Variants in TXLNB observed in about 807,000 individuals in gnomAD.
TXLNB encodes the protein beta-taxilin.
A neutral mutation model predicts 57.4 loss-of-function variants in TXLNB; 37 were observed. That is an observed-to-expected ratio of 0.64 (90% CI 0.50 to 0.85). The LOEUF (loss-of-function observed/expected upper bound fraction) is 0.85. Ranked by LOEUF, TXLNB falls within the 40% of genes least tolerant of loss-of-function variation. The pLI is 0.00. For synonymous variants in TXLNB, 302 were observed against 309.6 expected (o/e 0.98, Z 0.26); for missense variants, 848 against 825.6 (o/e 1.03, Z -0.33).
the TXLNB span, among the ~76,000 whole-genome samples, chr6:139,216,717 A>C: frequency 6.6e-6 from 1 of 152,220 alleles, no homozygotes; most frequent in Non-Finnish European, 1.5e-5. Context: ...CCTTTGCAGC[A>C]ACTTGGATGG....
chr6:139,321,884 G>A, the TXLNB span, among the ~76,000 whole-genome samples: 4 of 151,734 alleles, frequency 2.6e-5, no homozygotes, highest in African/African-American at 9.7e-5. Flanking sequence ...CGCCTGCCTC[G>A]GTCTCCCAAA....
chr6:139,260,292 T>C (rs1446044667), intron 6 of TXLNB, 26 bp downstream of exon 6: 2 of 1,613,074 alleles, frequency 1.2e-6, no homozygotes, highest in Non-Finnish European at 1.7e-6. Flanking sequence ...AGACCAGATA[T>C]GCACAACGAC....
downstream of TXLNB, among the ~76,000 whole-genome samples, chr6:139,235,473 G>A (rs1369745132): frequency 1.3e-5 from 2 of 152,180 alleles, no homozygotes; most frequent in Non-Finnish European, 2.9e-5. Context: ...CATGAGATTT[G>A]TGAGGGGCCA....
Position 139,288,876 on chromosome 6 carries a change from C to G in TXLNB, c.24G>C (p.Gln8His), listed in dbSNP as rs747165498. Residue 8 changes from glutamine (Q) to histidine (H), a missense_variant, in exon 2 of 10, where the codon CAG (glutamine) becomes CAC (histidine). Coordinates refer to ENST00000358430, the MANE Select transcript of TXLNB (RefSeq NM_153235.4). The part of the protein sequence containing the change: MEANHSE[Q>H]LSAERQSTPP... ...GTGTTGACTGTCGTTCCGCTGAGAG[C>G]TGTTCAGAGTGATTAGCCTCCATCT... 7.4e-6 allele frequency: 12 copies of G among 1,613,746 alleles called. No homozygotes were observed. Among genetic ancestry groups the G allele is most frequent in the Non-Finnish European group, 1.0e-5 (12 of 1,179,908 alleles).
downstream of TXLNB, chr6:139,239,922 T>C (rs1466768342): frequency 6.6e-6 from 1 of 152,132 alleles, no homozygotes; most frequent in East Asian, 1.9e-4. This position sits in a 1 kb window ranked among gnomAD's most constrained non-coding sequence, Gnocchi z 4.7. Flanking sequence ...TGACTACACG[T>C]AATTCTATTT....
intron 4 of TXLNB, among the ~76,000 whole-genome samples, chr6:139,263,477 A>G (rs10499210): frequency 0.043 from 6,605 of 152,296 alleles, 170 homozygotes; most frequent in Non-Finnish European, 0.053. Flanking sequence ...TCTGAAAGCA[A>G]TATTAAGTTT....
At chr6:139,286,635 C>T (rs140327113) in intron 2 of TXLNB, among the ~76,000 whole-genome samples, 6 of 152,276 alleles carry the variant, frequency 3.9e-5, no homozygotes, top group East Asian at 1.9e-4. Flanking sequence ...GAGTGGCAGG[C>T]GACAGAGCAA....
At chr6:139,228,296 A>G in the TXLNB span, among the ~76,000 whole-genome samples, 1 of 152,082 alleles carries the variant, frequency 6.6e-6, no homozygotes, top group Admixed American at 6.5e-5. Context: ...CGGGTGGATC[A>G]CCTGAGTTCA....
At chr6:139,177,312 G>C in the TXLNB span, 1 of 413,830 alleles carries the variant, frequency 2.4e-6, no homozygotes, top group African/African-American at 2.0e-5. This position sits in a 1 kb window ranked among gnomAD's most constrained non-coding sequence, Gnocchi z 4.9. Context: ...GCCCAGATGG[G>C]TAATCCTGTG....
chr6:139,235,132 C>T (rs1230579240), downstream of TXLNB, among the ~76,000 whole-genome samples: 3 of 152,158 alleles, frequency 2.0e-5, no homozygotes, highest in African/African-American at 7.2e-5. Context: ...CCTGTGCCCA[C>T]AGACCTAGGT....
the TXLNB span, among the ~76,000 whole-genome samples, chr6:139,316,443 T>A: frequency 6.6e-6 from 1 of 152,276 alleles, no homozygotes; most frequent in East Asian, 1.9e-4. Context: ...TTACCCCTGA[T>A]GTTTTCTGCT....
intron 6 of TXLNB, among the ~76,000 whole-genome samples, chr6:139,256,048 C>A (rs1195773736): frequency 2.0e-5 from 3 of 152,086 alleles, no homozygotes; most frequent in Non-Finnish European, 2.9e-5. Context: ...CACTGCTGCA[C>A]TCTAGCCTGG....
At chr6:139,191,827 G>A in the TXLNB span, among the ~76,000 whole-genome samples, 40 of 152,248 alleles carry the variant, frequency 2.6e-4, no homozygotes, top group Non-Finnish European at 4.9e-4. Context: ...ACAGGGACGC[G>A]AGACAGAATG....
chr6:139,297,540 A>G, the TXLNB span, among the ~76,000 whole-genome samples: 1 of 152,234 alleles, frequency 6.6e-6, no homozygotes, highest in Admixed American at 6.5e-5. Context: ...GAAATCATTA[A>G]ATAATTAAGA....
At chr6:139,314,484 C>T in the TXLNB span, among the ~76,000 whole-genome samples, 206 of 152,308 alleles carry the variant, frequency 1.4e-3, no homozygotes, top group Middle Eastern at 6.8e-3. Context: ...CCTTTCCAGA[C>T]GAAGCCAATG....
At chr6:139,317,657 C>G in the TXLNB span, among the ~76,000 whole-genome samples, 1 of 152,162 alleles carries the variant, frequency 6.6e-6, no homozygotes, top group South Asian at 2.1e-4. Context: ...TCCCAAAGTG[C>G]TGGGATTACA....
chr6:139,233,675 G>T, the TXLNB span, among the ~76,000 whole-genome samples: 1 of 152,004 alleles, frequency 6.6e-6, no homozygotes, highest in African/African-American at 2.4e-5. Flanking sequence ...GTTTCCTGAG[G>T]CCTCCCCAGC....
intron 2 of TXLNB, among the ~76,000 whole-genome samples, chr6:139,281,968 G>C (rs547687194): frequency 6.6e-6 from 1 of 151,738 alleles, no homozygotes; most frequent in South Asian, 2.1e-4. Context: ...GGTCAGAAGA[G>C]AGTACTAATA....
chr6:139,213,824 C>T, the TXLNB span, among the ~76,000 whole-genome samples: 3 of 152,168 alleles, frequency 2.0e-5, no homozygotes, highest in African/African-American at 7.2e-5. Context: ...AAAATACAAA[C>T]TACCATCAGA....
Sources: gnomAD v4.1 joint callset for allele counts (sites outside exome capture counted in the v4.1 genomes callset) on GRCh38, gnomAD v4.1.1 for gene constraint, Gnocchi (gnomAD v3.1) non-coding constraint, MANE v1.5 for transcripts, NCBI Gene and HGNC (gene_info 2026-07-23, HGNC 2026-07-21) for gene names.